The following GNA13 variants were observed in gnomAD, a reference collection of about 807,000 sequenced individuals.
The protein encoded by GNA13 is guanine nucleotide-binding protein subunit alpha-13.
GNA13 carries 4 observed loss-of-function variants against 33.5 expected under a neutral mutation model. The observed-to-expected ratio is 0.12, with a 90% CI of 0.06 to 0.27. The LOEUF is 0.27. GNA13 is among the 10% of genes least tolerant of loss of function. GNA13 has a pLI of 1.00. For missense variants in GNA13, 319 were observed against 487.2 expected, an observed-to-expected ratio of 0.65 and a Z score of 3.25; for synonymous variants, 176 against 183.8, an observed-to-expected ratio of 0.96 and a Z score of 0.34.
At chr17:65,018,091 CTAAAAAAAAAAAAAAAAAAAAA>C (rs1906436927) in intron 3 of GNA13, among the ~76,000 whole-genome samples, 140 bp downstream of exon 3, 1 of 45,572 alleles carries the variant, frequency 2.2e-5, no homozygotes, top group Admixed American at 3.2e-4. Context: ...AACGCCACCA[CTAAAAAAAAAAAAAAAAAAAAA>C]AAAAAAAAAA....
intron 2 of GNA13, among the ~76,000 whole-genome samples, chr17:65,038,911 A>G (rs1208561804): frequency 6.6e-6 from 1 of 152,212 alleles, no homozygotes; most frequent in Non-Finnish European, 1.5e-5. Flanking sequence ...AGTGAAAAAC[A>G]TAACGGCTAT....
chr17:65,046,254 A>G (rs1907657941), intron 2 of GNA13, among the ~76,000 whole-genome samples: 1 of 152,104 alleles, frequency 6.6e-6, no homozygotes, highest in Admixed American at 6.5e-5. Context: ...TAATTAAATT[A>G]AACAATTATT....
chr17:65,030,129 T>C (rs1023117855), intron 2 of GNA13, among the ~76,000 whole-genome samples: 1 of 152,142 alleles, frequency 6.6e-6, no homozygotes, highest in East Asian at 1.9e-4. Flanking sequence ...AGACATCCCA[T>C]AAAAGTGATA....
Position 65,055,628 on chromosome 17 carries a change from T to C in GNA13, c.283+683A>G, listed in dbSNP as rs80286415. ...CACTGGGGCGAAAAAGCACAGATGCTACATTTTCATGCTAACTGTATGGGT... is the reference window on the plus strand; with the variant it reads ...CACTGGGGCGAAAAAGCACAGATGCCACATTTTCATGCTAACTGTATGGGT... On this transcript the variant is annotated intron_variant, in intron 1 of 3. Transcript: ENST00000439174. 9,094 of 985,370 alleles carry C rather than the reference T, an allele frequency of 9.2e-3. 564 individuals carry two copies. The African/African-American group carries it at 0.14, about 15-fold the overall frequency. The allele number at this position is 985,370 out of a possible 1,614,324, so 61.0% of individuals were successfully genotyped here.
chr17:65,047,489 A>C (rs910843121), intron 2 of GNA13, among the ~76,000 whole-genome samples: 2 of 152,230 alleles, frequency 1.3e-5, no homozygotes, highest in Non-Finnish European at 2.9e-5. Flanking sequence ...TAATCCTAGA[A>C]TCAAAAGATA....
At chr17:65,037,691 G>A (rs1043597522) in intron 2 of GNA13, among the ~76,000 whole-genome samples, 23 of 145,076 alleles carry the variant, frequency 1.6e-4, no homozygotes, top group African/African-American at 5.7e-4. Flanking sequence ...CAACACATTG[G>A]GAGGCCGAGA....
intron 2 of GNA13, 69 bp from the exon 3 acceptor site, chr17:65,018,372 A>G (rs1158045210): frequency 7.2e-6 from 6 of 836,046 alleles, no homozygotes; most frequent in Non-Finnish European, 1.1e-5. Context: ...AACAGTTTAC[A>G]TCATACTGTC....
intron 2 of GNA13, among the ~76,000 whole-genome samples, chr17:65,047,035 T>C (rs1315541988): frequency 3.9e-5 from 6 of 152,096 alleles, no homozygotes; most frequent in Non-Finnish European, 5.9e-5. Flanking sequence ...CTTCACAAAG[T>C]TGTATTAAAA....
chr17:65,013,964 T>C lies in GNA13; in HGVS notation c.*293A>G. ...ATTCAGTTTGGAAAGTAGAATAATT[T>C]AAAGCCTGAAATATGCCTAGTCTGA... On this transcript the variant is annotated 3_prime_UTR_variant, in exon 4 of 4. Transcript: ENST00000439174. 1 of 363,138 alleles carries C rather than the reference T, an allele frequency of 2.8e-6. No homozygotes were observed. The highest frequency in any genetic ancestry group is 5.0e-6 in the Non-Finnish European group (1 of 199,306). The allele number at this position is 363,138 out of a possible 1,614,324, so 22.5% of individuals were successfully genotyped here.
At chr17:65,029,321 C>T (rs1287457817) in intron 2 of GNA13, among the ~76,000 whole-genome samples, 2 of 152,184 alleles carry the variant, frequency 1.3e-5, no homozygotes, top group Non-Finnish European at 1.5e-5. Flanking sequence ...ACCTCCTCTG[C>T]CTAACACCAT....
chr17:65,055,974 G>A (rs1276484179), intron 1 of GNA13, among the ~76,000 whole-genome samples: 1 of 152,128 alleles, frequency 6.6e-6, no homozygotes, highest in Non-Finnish European at 1.5e-5. Flanking sequence ...GACAGGAGAG[G>A]TCTGCCCACA....
At chr17:65,031,919 AGAGTGTGTGTGTGT>A (rs1401480309) in intron 2 of GNA13, among the ~76,000 whole-genome samples, 6 of 125,572 alleles carry the variant, frequency 4.8e-5, no homozygotes, top group African/African-American at 1.9e-4. Context: ...AGAGAGAGAG[AGAGTGTGTGTGTGT>A]GTGTGTGTGT....
intron 2 of GNA13, among the ~76,000 whole-genome samples, chr17:65,025,901 A>C (rs957141193): frequency 3.3e-5 from 5 of 151,810 alleles, no homozygotes; most frequent in African/African-American, 1.2e-4. Flanking sequence ...TGGGAGGATC[A>C]CTTGAGCCTA....
At chr17:65,032,791 A>C (rs1318261540) in intron 2 of GNA13, among the ~76,000 whole-genome samples, 2 of 117,006 alleles carry the variant, frequency 1.7e-5, no homozygotes, top group African/African-American at 6.3e-5. Flanking sequence ...GGCTTTCTCT[A>C]TGACTTCATT....
chr17:65,052,277 C>G (rs12940611), intron 2 of GNA13: 2 of 152,400 alleles, frequency 1.3e-5, no homozygotes, highest in South Asian at 4.1e-4. Context: ...CCTCAGCCTC[C>G]TGAGTAGCTG....
At chr17:65,051,771 G>A (rs1907867278) in intron 2 of GNA13, 2 of 152,296 alleles carry the variant, frequency 1.3e-5, no homozygotes, top group African/African-American at 4.8e-5. Context: ...CATTTGTCAA[G>A]TTAAATTCAT....
chr17:65,046,748 C>T (rs1292393356), intron 2 of GNA13, among the ~76,000 whole-genome samples: 1 of 152,216 alleles, frequency 6.6e-6, no homozygotes, highest in Non-Finnish European at 1.5e-5. Context: ...AGTTCTGAAA[C>T]TAAAGTCTAC....
intron 2 of GNA13, among the ~76,000 whole-genome samples, chr17:65,041,736 G>A (rs1195887596): frequency 1.3e-5 from 2 of 152,228 alleles, no homozygotes; most frequent in East Asian, 1.9e-4. Context: ...TGGGAGTGGT[G>A]AGCACTCTGC....
intron 2 of GNA13, among the ~76,000 whole-genome samples, chr17:65,046,462 T>A (rs186905783): frequency 2.6e-3 from 389 of 152,268 alleles, no homozygotes; most frequent in African/African-American, 9.0e-3. Context: ...GGCTAATTTT[T>A]AAAATTATTT....
Sources: gnomAD v4.1 joint callset for allele counts (sites outside exome capture counted in the v4.1 genomes callset) on GRCh38, gnomAD v4.1.1 for gene constraint, MANE v1.5 for transcripts, NCBI Gene and HGNC (gene_info 2026-07-23, HGNC 2026-07-21) for gene names.